Variants in GRIK1 observed in about 807,000 individuals in gnomAD.
The protein encoded by GRIK1 is glutamate ionotropic receptor kainate type subunit 1, also known as glutamate receptor ionotropic, kainate 1.
A neutral mutation model predicts 105.7 loss-of-function variants in GRIK1; 69 were observed. The ratio of observed to expected loss-of-function variants is 0.65; its 90% CI spans 0.54 to 0.80. The LOEUF is 0.80. Ranked by LOEUF, GRIK1 falls within the 30% of genes least tolerant of loss-of-function variation. The pLI is 0.00. For synonymous variants in GRIK1, 438 were observed against 431.3 expected (o/e 1.02, Z -0.19); for missense variants, 1,109 against 1,167.3 (o/e 0.95, Z 0.73).
intron 14 of GRIK1, among the ~76,000 whole-genome samples, chr21:29,567,587 G>A (rs2090640887): frequency 6.6e-6 from 1 of 152,048 alleles, no homozygotes; most frequent in Non-Finnish European, 1.5e-5. Context: ...GTAAATATAT[G>A]CATATAGAAC....
chr21:29,621,962 TTG>T (rs200059241), intron 7 of GRIK1, among the ~76,000 whole-genome samples: 235 of 151,060 alleles, frequency 1.6e-3, no homozygotes, highest in African/African-American at 5.4e-3. Flanking sequence ...TTTTTTTTTT[TTG>T]AGTTGGAGTT....
chr21:29,878,935 T>G (rs946568908), intron 1 of GRIK1, among the ~76,000 whole-genome samples: 1 of 152,186 alleles, frequency 6.6e-6, no homozygotes, highest in African/African-American at 2.4e-5. Context: ...GATCTTGGAC[T>G]TCCCAGCCTC....
intron 7 of GRIK1, among the ~76,000 whole-genome samples, chr21:29,628,885 T>C (rs1177077630): frequency 1.3e-5 from 2 of 152,234 alleles, no homozygotes; most frequent in African/African-American, 4.8e-5. Context: ...GGATGGTTTA[T>C]CTATGAAGAT....
intron 7 of GRIK1, among the ~76,000 whole-genome samples, chr21:29,609,185 C>CT (rs1175491262): frequency 6.6e-6 from 1 of 150,940 alleles, no homozygotes; most frequent in Non-Finnish European, 1.5e-5. Context: ...CTTTACATAT[C>CT]TTATTAAAAG....
intron 1 of GRIK1, among the ~76,000 whole-genome samples, chr21:29,921,156 A>G (rs955749712): frequency 1.3e-5 from 2 of 151,864 alleles, no homozygotes; most frequent in Admixed American, 1.3e-4. Context: ...CACCACTCCC[A>G]CAGTAGAAAC....
intron 1 of GRIK1, among the ~76,000 whole-genome samples, chr21:29,776,773 C>A (rs8133922): frequency 0.014 from 2,207 of 152,252 alleles, 53 homozygotes; most frequent in African/African-American, 0.05. Context: ...TGGTTGAGGT[C>A]ATGTTAGCCA....
In GRIK1 at chr21:29,588,950, C is replaced by T. The variant is rs1357778448; in HGVS notation, c.1458G>A (p.Leu486=). 5.6e-6 allele frequency: 9 copies of T among 1,602,260 alleles called. No homozygotes were observed. The highest frequency in any genetic ancestry group is 6.0e-6 in the Non-Finnish European group (7 of 1,169,404). Residue 486 remains leucine, a synonymous_variant, in exon 11 of 18, where the codon TTG becomes TTA. Coordinates refer to ENST00000327783, the MANE Select transcript of GRIK1 (RefSeq NM_001330994.2). ...EGYCLDLLKE[L]SNILGFIYDV... Reference sequence around the variant, plus strand: ...CATAAATGAAACCCAGGATGTTTGACAATTCTTTCAACAGGTCTAGGCAAT... The same window carrying T: ...CATAAATGAAACCCAGGATGTTTGATAATTCTTTCAACAGGTCTAGGCAAT...
At chr21:29,631,682 A>G (rs1196289671) in intron 7 of GRIK1, among the ~76,000 whole-genome samples, 3 of 152,246 alleles carry the variant, frequency 2.0e-5, no homozygotes, top group Admixed American at 1.3e-4. Flanking sequence ...ACAGTGGATT[A>G]AAAAGACTTA....
chr21:29,704,885 A>G (rs2063874612), intron 1 of GRIK1, among the ~76,000 whole-genome samples: 1 of 152,210 alleles, frequency 6.6e-6, no homozygotes, highest in Non-Finnish European at 1.5e-5. Context: ...AACCAGGAAT[A>G]TTGCCAAAAA....
At chr21:29,824,293 C>A (rs1270341269) in intron 1 of GRIK1, among the ~76,000 whole-genome samples, 1 of 151,938 alleles carries the variant, frequency 6.6e-6, no homozygotes, top group Non-Finnish European at 1.5e-5. Context: ...GTTTACCATT[C>A]ATTCACTGAA....
chr21:29,696,857 C>T (rs1051379643), intron 1 of GRIK1, among the ~76,000 whole-genome samples: 2 of 152,186 alleles, frequency 1.3e-5, no homozygotes, highest in African/African-American at 4.8e-5. Context: ...GAATAGGAAA[C>T]AGAAATTCTG....
intron 8 of GRIK1, 87 bp downstream of exon 8, chr21:29,598,743 C>A: frequency 1.6e-6 from 1 of 610,222 alleles, no homozygotes; most frequent in Non-Finnish European, 2.9e-6. Flanking sequence ...ATCACTTCAT[C>A]ATTCACCTAC....
intron 1 of GRIK1, among the ~76,000 whole-genome samples, chr21:29,783,688 C>T (rs1332065514): frequency 1.3e-5 from 2 of 152,070 alleles, no homozygotes; most frequent in Non-Finnish European, 2.9e-5. Context: ...ACACATAATG[C>T]TGCATTTATC....
chr21:29,549,866 G>A (rs183380625), intron 16 of GRIK1, among the ~76,000 whole-genome samples: 1 of 151,920 alleles, frequency 6.6e-6, no homozygotes, highest in Non-Finnish European at 1.5e-5. Flanking sequence ...CAGCACTTTG[G>A]GGGGCCGAGG....
chr21:29,905,912 G>A (rs973674312), intron 1 of GRIK1, among the ~76,000 whole-genome samples: 21 of 152,156 alleles, frequency 1.4e-4, no homozygotes, highest in African/African-American at 4.8e-4. Flanking sequence ...ACAGGCGTGA[G>A]CCACCGCACC....
intron 1 of GRIK1, among the ~76,000 whole-genome samples, chr21:29,902,924 C>T (rs1365200832): frequency 6.6e-6 from 1 of 152,064 alleles, no homozygotes; most frequent in Non-Finnish European, 1.5e-5. Flanking sequence ...GTACTGGTAC[C>T]AAAACAGATA....
In GRIK1 at chr21:29,560,357, T is replaced by TCC. The variant is rs1568813437; in HGVS notation, c.2356+1266_2356+1267insGG. ...TTTCTTTCTTTCTTTCTTTCTTTCTTTTTCTTTCTTCCTTCCTTCCTTCCT... is the reference window on the plus strand; with the variant it reads ...TTTCTTTCTTTCTTTCTTTCTTTCTTCCTTTCTTTCTTCCTTCCTTCCTTCCT... On this transcript the variant is annotated intron_variant, in intron 15 of 17. Coordinates refer to ENST00000327783, the MANE Select transcript of GRIK1 (RefSeq NM_001330994.2). Among the ~76,000 whole-genome samples the TCC allele has an allele frequency of 5.5e-3, 319 of 57,846 alleles. 3 individuals are homozygous for TCC. Among genetic ancestry groups the TCC allele is most frequent in the African/African-American group, 9.8e-3 (117 of 11,970 alleles). The allele number at this position is 57,846 out of a possible 152,430, so 37.9% of individuals were successfully genotyped here. A position where few individuals can be genotyped will look rare whatever the true frequency, so the allele number is the denominator to read the frequency against.
intron 1 of GRIK1, among the ~76,000 whole-genome samples, chr21:29,711,294 G>T (rs1569002085): frequency 6.6e-6 from 1 of 152,038 alleles, no homozygotes; most frequent in Non-Finnish European, 1.5e-5. Context: ...AAATACCATT[G>T]TGTTACAGTT....
chr21:29,732,047 A>G (rs1446291572), intron 1 of GRIK1, among the ~76,000 whole-genome samples: 4 of 152,212 alleles, frequency 2.6e-5, no homozygotes, highest in African/African-American at 9.6e-5. Context: ...ATTTTGGTGC[A>G]AACAATTGAA....
Sources: gnomAD v4.1 joint callset for allele counts (sites outside exome capture counted in the v4.1 genomes callset) on GRCh38, gnomAD v4.1.1 for gene constraint, MANE v1.5 for transcripts, NCBI Gene and HGNC (gene_info 2026-07-23, HGNC 2026-07-21) for gene names.